The following PCDH7 variants were observed in gnomAD, a reference collection of about 807,000 sequenced individuals.
PCDH7 encodes protocadherin-7.
A neutral mutation model predicts 58.9 loss-of-function variants in PCDH7; 17 were observed. The ratio of observed to expected loss-of-function variants is 0.29; its 90% CI spans 0.20 to 0.43. The LOEUF is 0.43. PCDH7 is among the 20% of genes least tolerant of loss of function. The probability of loss-of-function intolerance (pLI) is 1.00; values close to 1 mark genes in which losing one functional copy is unlikely to be tolerated. For synonymous variants in PCDH7, 664 were observed against 616.4 expected, an observed-to-expected ratio of 1.08 and a Z score of -1.14; for missense variants, 1,274 against 1,441.0, an observed-to-expected ratio of 0.88 and a Z score of 1.88.
intron 3 of PCDH7, among the ~76,000 whole-genome samples, chr4:30,980,598 A>G (rs1253813486): frequency 6.6e-6 from 1 of 152,200 alleles, no homozygotes; most frequent in African/African-American, 2.4e-5. Flanking sequence ...CACAAGGCTC[A>G]CAAAGAAACA....
intron 3 of PCDH7, among the ~76,000 whole-genome samples, chr4:31,043,922 A>C (rs1756085744): frequency 6.6e-6 from 1 of 152,130 alleles, no homozygotes; most frequent in Admixed American, 6.6e-5. Flanking sequence ...GCATAGGCTA[A>C]AGTGTAAGGG....
At chr4:31,116,525 C>T (rs1211327923) in intron 3 of PCDH7, among the ~76,000 whole-genome samples, 1 of 152,074 alleles carries the variant, frequency 6.6e-6, no homozygotes, top group Non-Finnish European at 1.5e-5. Context: ...GGCACTGGCA[C>T]CATTGTTTGC....
intron 1 of PCDH7, among the ~76,000 whole-genome samples, chr4:30,741,829 T>C (rs1560320717): frequency 6.6e-6 from 1 of 152,238 alleles, no homozygotes; most frequent in Non-Finnish European, 1.5e-5. Flanking sequence ...TGTCTGAAAG[T>C]GGACAATTAA....
chr4:30,958,731 T>G (rs1241730171), intron 3 of PCDH7, among the ~76,000 whole-genome samples: 1 of 152,008 alleles, frequency 6.6e-6, no homozygotes, highest in Admixed American at 6.6e-5. Flanking sequence ...TTTTGATATT[T>G]ATCTAAATTA....
intron 3 of PCDH7, among the ~76,000 whole-genome samples, chr4:31,046,852 A>G (rs1005387476): frequency 6.6e-6 from 1 of 152,098 alleles, no homozygotes; most frequent in South Asian, 2.1e-4. Context: ...TCAATTAGTT[A>G]TAATTTTCAG....
chr4:31,097,244 G>T (rs1311653698), intron 3 of PCDH7, among the ~76,000 whole-genome samples: 1 of 151,850 alleles, frequency 6.6e-6, no homozygotes, highest in Non-Finnish European at 1.5e-5. Flanking sequence ...ATCACCTGAG[G>T]TCAGGAGTTC....
At chr4:30,819,901 A>T (rs1212577096) in intron 1 of PCDH7, among the ~76,000 whole-genome samples, 1 of 152,142 alleles carries the variant, frequency 6.6e-6, no homozygotes, top group Non-Finnish European at 1.5e-5. Flanking sequence ...GTTCTGAATA[A>T]ATCCTAGTTC....
At position 31,134,103 on chromosome 4, in the gene PCDH7, C is replaced by A. The variant is rs539798395; in HGVS notation, c.*8-8370C>A. 5.3e-5 allele frequency among the ~76,000 whole-genome samples: 8 copies of A among 152,236 alleles called. No homozygotes were observed. In the South Asian group the frequency reaches 1.7e-3, roughly 32 times the overall value. On this transcript the variant is annotated intron_variant, in intron 3 of 3. Coordinates refer to the PCDH7 transcript ENST00000509759. ...ATGTGCTTATATCTCTGAAAATGTT[C>A]TGTTATAAGCATTGTACTTGCAGTG...
intron 1 of PCDH7, among the ~76,000 whole-genome samples, chr4:30,811,515 T>C (rs1297757747): frequency 6.6e-6 from 1 of 152,122 alleles, no homozygotes; most frequent in African/African-American, 2.4e-5. Context: ...AAAAAAGTCA[T>C]GTGGAATCTA....
intron 3 of PCDH7, among the ~76,000 whole-genome samples, chr4:31,115,113 A>G (rs2109316258): frequency 6.6e-6 from 1 of 152,318 alleles, no homozygotes; most frequent in African/African-American, 2.4e-5. Context: ...CTGAAAATCT[A>G]CAAATAGAAG....
At chr4:30,845,840 G>A (rs1472338883) in intron 1 of PCDH7, among the ~76,000 whole-genome samples, 1 of 152,072 alleles carries the variant, frequency 6.6e-6, no homozygotes, top group African/African-American at 2.4e-5. Flanking sequence ...TGATCCTCCT[G>A]CAGCTGCCTC....
intron 3 of PCDH7, among the ~76,000 whole-genome samples, chr4:31,044,597 T>C (rs1756138333): frequency 6.6e-6 from 1 of 152,034 alleles, no homozygotes; most frequent in Non-Finnish European, 1.5e-5. Context: ...AATATAATAA[T>C]GATTTAATAT....
intron 1 of PCDH7, among the ~76,000 whole-genome samples, chr4:30,893,783 A>G (rs1229168458): frequency 6.6e-6 from 1 of 152,036 alleles, no homozygotes; most frequent in Non-Finnish European, 1.5e-5. Context: ...TTATTATACT[A>G]TTTTTCATTG....
intron 3 of PCDH7, among the ~76,000 whole-genome samples, chr4:31,024,046 G>T (rs189823668): frequency 6.6e-6 from 1 of 152,190 alleles, no homozygotes; most frequent in Admixed American, 6.6e-5. Context: ...TCAGTAAGAA[G>T]AGCATTAAAA....
intron 1 of PCDH7, among the ~76,000 whole-genome samples, chr4:30,760,285 A>G (rs1719848966): frequency 6.6e-6 from 1 of 152,174 alleles, no homozygotes; most frequent in Admixed American, 6.5e-5. Flanking sequence ...CAAAACACTT[A>G]TCAAGGTCCA....
intron 2 of PCDH7, among the ~76,000 whole-genome samples, chr4:30,937,066 A>T (rs1745443942): frequency 6.6e-6 from 1 of 151,992 alleles, no homozygotes; most frequent in Non-Finnish European, 1.5e-5. Flanking sequence ...TTGCATTAAG[A>T]GCCTGATTCT....
intron 3 of PCDH7, among the ~76,000 whole-genome samples, chr4:31,074,957 T>A (rs917063957): frequency 1.3e-5 from 2 of 152,000 alleles, no homozygotes; most frequent in Non-Finnish European, 2.9e-5. Context: ...CTCTAGTATA[T>A]AATCAACCAT....
intron 1 of PCDH7, among the ~76,000 whole-genome samples, chr4:30,752,964 G>A (rs1411657874): frequency 6.6e-6 from 1 of 152,106 alleles, no homozygotes; most frequent in Non-Finnish European, 1.5e-5. Context: ...AAAAATATTA[G>A]ACTTCAACAC....
intron 1 of PCDH7, among the ~76,000 whole-genome samples, chr4:30,819,866 A>G: frequency 6.6e-6 from 1 of 152,114 alleles, no homozygotes; most frequent in East Asian, 1.9e-4. Flanking sequence ...CCTATCTTCA[A>G]GAGCGGTAGT....
Sources: gnomAD v4.1 joint callset for allele counts (sites outside exome capture counted in the v4.1 genomes callset) on GRCh38, gnomAD v4.1.1 for gene constraint, MANE v1.5 for transcripts, NCBI Gene and HGNC (gene_info 2026-07-23, HGNC 2026-07-21) for gene names.